The following MAD1L1 variants were observed in gnomAD, a reference collection of about 807,000 sequenced individuals.
MAD1L1 encodes the protein mitotic arrest deficient 1 like 1.
In MAD1L1, 95 loss-of-function variants were observed where a neutral mutation model predicts 96.9. The ratio of observed to expected loss-of-function variants is 0.98; its 90% CI spans 0.83 to 1.16. The LOEUF is 1.16. Among genes scored for constraint, MAD1L1 ranks in the 50% most tolerant of loss-of-function variants. MAD1L1 has a pLI of 0.00. For missense variants in MAD1L1, 1,007 were observed against 954.4 expected, an observed-to-expected ratio of 1.06 and a Z score of -0.73; for synonymous variants, 473 against 396.6, an observed-to-expected ratio of 1.19 and a Z score of -2.29.
intron 18 of MAD1L1, among the ~76,000 whole-genome samples, chr7:1,840,430 G>A (rs575551547): frequency 2.6e-5 from 4 of 152,146 alleles, no homozygotes; most frequent in South Asian, 2.1e-4. Context: ...GCAGAGCCGC[G>A]TCATAAACAG....
In MAD1L1 at chr7:2,042,218, C is replaced by T. The variant is rs12540005; in HGVS notation, c.1218+26976G>A. ...ACATGGACACAGACACGCACACAGACGTGCACACACAAGCGCATGCGCACA... is the reference window on the plus strand; with the variant it reads ...ACATGGACACAGACACGCACACAGATGTGCACACACAAGCGCATGCGCACA... On this transcript the variant is annotated intron_variant, in intron 12 of 18. Coordinates refer to ENST00000265854, the MANE Select transcript of MAD1L1 (RefSeq NM_001013836.2). 4.8e-3 allele frequency among the ~76,000 whole-genome samples: 624 copies of T among 130,932 alleles called. 5 individuals are homozygous for T. The highest frequency in any genetic ancestry group is 0.02 in the African/African-American group (594 of 30,342). 85.9% of individuals were successfully genotyped at this position (130,932 alleles called of 152,430 possible).
intron 17 of MAD1L1, among the ~76,000 whole-genome samples, chr7:1,925,128 C>T (rs1330881352): frequency 1.3e-5 from 2 of 149,896 alleles, no homozygotes; most frequent in Non-Finnish European, 2.9e-5. Flanking sequence ...CTATAAATGG[C>T]CAAAACACAT....
chr7:2,121,079 G>A (rs1056250989), intron 11 of MAD1L1, among the ~76,000 whole-genome samples: 18 of 152,320 alleles, frequency 1.2e-4, no homozygotes, highest in East Asian at 3.9e-4. Context: ...AGCCCCAGCC[G>A]CAAGGACACT....
chr7:2,137,718 C>CA (rs757203422), intron 11 of MAD1L1, among the ~76,000 whole-genome samples: 23 of 152,220 alleles, frequency 1.5e-4, no homozygotes, highest in Non-Finnish European at 3.2e-4. Flanking sequence ...AAGATGCCAC[C>CA]TCAGGCTCCC....
intron 11 of MAD1L1, among the ~76,000 whole-genome samples, chr7:2,148,849 C>T (rs1789435170): frequency 6.6e-6 from 1 of 152,192 alleles, no homozygotes; most frequent in Admixed American, 6.5e-5. Flanking sequence ...GCTGGGAAGA[C>T]AAGAACCCTC....
At chr7:2,093,315 T>C (rs1397785993) in intron 11 of MAD1L1, among the ~76,000 whole-genome samples, 1 of 150,690 alleles carries the variant, frequency 6.6e-6, no homozygotes, top group Non-Finnish European at 1.5e-5. Flanking sequence ...TAAAAGAATA[T>C]TTAACATGGA....
chr7:1,864,745 C>T lies in MAD1L1; in HGVS notation c.1998+33455G>A, dbSNP rs78867900. ...GGGCCCTCGTGAACAGACTGGCCCC[C>T]TCCCTGGGGTGAGGGGGTTCCCACT... On this transcript the variant is annotated intron_variant, in intron 18 of 18. Coordinates refer to ENST00000265854, the MANE Select transcript of MAD1L1 (RefSeq NM_001013836.2). Among the ~76,000 whole-genome samples, 51 of 152,274 alleles carry T rather than the reference C, an allele frequency of 3.3e-4. 1 individual carries two copies. The East Asian group carries it at 6.6e-3, about 20-fold the overall frequency.
rs532464289 is a variant in MAD1L1 at position 2,038,185 on chromosome 7, C to T, written c.1219-23543G>A. Among the ~76,000 whole-genome samples the T allele has an allele frequency of 4.1e-4, 62 of 152,298 alleles. 1 individual carries two copies. The South Asian group carries it at 0.013, about 31-fold the overall frequency. The stretch of plus-strand genomic sequence containing the variant: ...CACGAGGCTGAGAGAGGTGGGAAAG[C>T]TGCAGAATTCAAGTCTGAAGCTAGC... On this transcript the variant is annotated intron_variant, in intron 12 of 18. Transcript: ENST00000265854.
chr7:2,002,878 G>A (rs1250297550), intron 13 of MAD1L1, among the ~76,000 whole-genome samples: 1 of 152,180 alleles, frequency 6.6e-6, no homozygotes, highest in Non-Finnish European at 1.5e-5. Flanking sequence ...CTGGGCCTCT[G>A]CCCCTGCGGT....
At chr7:1,925,520 G>C (rs973723875) in intron 17 of MAD1L1, among the ~76,000 whole-genome samples, 19 of 152,192 alleles carry the variant, frequency 1.2e-4, no homozygotes, top group Admixed American at 2.6e-4. Context: ...TGGACGGCAG[G>C]AGGGCAGATA....
chr7:1,868,072 C>T (rs1055072908), intron 18 of MAD1L1, among the ~76,000 whole-genome samples: 4 of 152,162 alleles, frequency 2.6e-5, no homozygotes, highest in Admixed American at 2.6e-4. Context: ...CCTCTGTAAG[C>T]ACTGTCCCTG....
At chr7:1,985,706 A>G (rs117808635) in intron 14 of MAD1L1, among the ~76,000 whole-genome samples, 63 of 152,226 alleles carry the variant, frequency 4.1e-4, no homozygotes, top group South Asian at 1.9e-3. Context: ...AATTCAGGAG[A>G]TGGAACTCTT....
Position 2,142,613 on chromosome 7 carries a change from G to A in MAD1L1, c.1073+6539C>T, listed in dbSNP as rs906573566. Among the ~76,000 whole-genome samples, 1 of 152,256 alleles carries A rather than the reference G, an allele frequency of 6.6e-6. No individual in the cohort carries two copies. The highest frequency in any genetic ancestry group is 2.1e-4 in the South Asian group (1 of 4,834). ...CCTGCCACAGCCCTGGACCAGACAG[G>A]CATGGCAGGCTGCCACCGTGGAATA... On this transcript the variant is annotated intron_variant, in intron 11 of 18. Coordinates refer to ENST00000265854, the MANE Select transcript of MAD1L1 (RefSeq NM_001013836.2). This position sits in a 1 kb window ranked among gnomAD's most constrained non-coding sequence, Gnocchi z 4.7.
chr7:2,217,861 A>C, intron 7 of MAD1L1, 101 bp downstream of exon 7: 1 of 972,452 alleles, frequency 1.0e-6, no homozygotes, highest in Non-Finnish European at 1.6e-6. Flanking sequence ...ACCTCACAGA[A>C]GGACCACGGA....
intron 11 of MAD1L1, among the ~76,000 whole-genome samples, chr7:2,137,395 G>A (rs911331111): frequency 1.8e-4 from 28 of 152,176 alleles, no homozygotes; most frequent in Admixed American, 6.5e-5. Flanking sequence ...TCCAGATGCC[G>A]TTTTCTGATT....
At chr7:2,195,505 C>G (rs1791942188) in intron 10 of MAD1L1, among the ~76,000 whole-genome samples, 2 of 152,196 alleles carry the variant, frequency 1.3e-5, no homozygotes, top group Admixed American at 1.3e-4. Context: ...TAATTCCTAT[C>G]AGCTCAAAAG....
At chr7:2,187,856 C>CA (rs1385612023) in intron 10 of MAD1L1, among the ~76,000 whole-genome samples, 20 of 152,272 alleles carry the variant, frequency 1.3e-4, no homozygotes, top group African/African-American at 4.8e-4. Context: ...GACATTTTCT[C>CA]AAAAACGAAT....
At chr7:2,033,031 G>A (rs1023151721) in intron 12 of MAD1L1, among the ~76,000 whole-genome samples, 1 of 152,244 alleles carries the variant, frequency 6.6e-6, no homozygotes, top group Non-Finnish European at 1.5e-5. Context: ...GTACAGCAGC[G>A]TGGGCTGAGG....
intron 11 of MAD1L1, among the ~76,000 whole-genome samples, chr7:2,075,476 AT>A (rs1413997927): frequency 5.3e-5 from 8 of 152,296 alleles, no homozygotes; most frequent in African/African-American, 1.9e-4. Flanking sequence ...AACTCAAAAA[AT>A]TAAGCCTCTA....
Sources: gnomAD v4.1 joint callset for allele counts (sites outside exome capture counted in the v4.1 genomes callset) on GRCh38, gnomAD v4.1.1 for gene constraint, Gnocchi (gnomAD v3.1) non-coding constraint, MANE v1.5 for transcripts, NCBI Gene and HGNC (gene_info 2026-07-23, HGNC 2026-07-21) for gene names.